The following THOP1 variants were observed in gnomAD, a reference collection of about 807,000 sequenced individuals.
THOP1 encodes the protein thimet oligopeptidase 1.
A neutral mutation model predicts 71.8 loss-of-function variants in THOP1; 49 were observed. That is an observed-to-expected ratio of 0.68 (90% CI 0.54 to 0.87). The LOEUF (loss-of-function observed/expected upper bound fraction) is 0.87. THOP1 is among the 40% of genes least tolerant of loss of function. THOP1 has a pLI of 0.00. For missense variants in THOP1, 843 were observed against 975.6 expected, an observed-to-expected ratio of 0.86 and a Z score of 1.81; for synonymous variants, 426 against 421.5, an observed-to-expected ratio of 1.01 and a Z score of -0.13.
chr19:2,809,971 A>T lies in THOP1; in HGVS notation c.1456-333A>T, dbSNP rs573638525. On this transcript the variant is annotated intron_variant, in intron 9 of 12. Transcript: ENST00000307741. ...ATGCAGCATGCCTCACAGCGTCCCC[A>T]CCCGGACCTGGCCGTCCCCAGGTCC... 2.0e-5 allele frequency: 8 copies of T among 392,178 alleles called. No individual in the cohort carries two copies. In the East Asian group the frequency reaches 3.7e-4, roughly 18 times the overall value. 24.3% of individuals were successfully genotyped at this position (392,178 alleles called of 1,614,324 possible). A position where few individuals can be genotyped will look rare whatever the true frequency, so the allele number is the denominator to read the frequency against.
chr19:2,808,742 C>T (rs1199626264), intron 9 of THOP1, among the ~76,000 whole-genome samples: 1 of 152,234 alleles, frequency 6.6e-6, no homozygotes, highest in East Asian at 1.9e-4. Flanking sequence ...CCCTCCTTGG[C>T]TTGTGGCCGC....
intron 5 of THOP1, among the ~76,000 whole-genome samples, chr19:2,802,539 A>C (rs1435260955): frequency 2.0e-4 from 15 of 76,852 alleles, no homozygotes; most frequent in East Asian, 8.6e-4. Flanking sequence ...CCCGACACCA[A>C]CACCTCCCGA....
chr19:2,804,926 AG>A lies in THOP1; in HGVS notation c.590-89del. The A allele has an allele frequency of 2.2e-6, 3 of 1,349,988 alleles. No individual in the cohort carries two copies. The highest frequency in any genetic ancestry group is 3.0e-6 in the Non-Finnish European group (3 of 1,006,906). The allele number at this position is 1,349,988 out of a possible 1,614,324, so 83.6% of individuals were successfully genotyped here. Reference sequence around the variant, plus strand: ...AGGGCCCCCTTGTAGCTTTCCAGGCAGAGGGGAAGCCCACCCCTTCCCTCAC... The same window carrying A: ...AGGGCCCCCTTGTAGCTTTCCAGGCAAGGGGAAGCCCACCCCTTCCCTCAC... On this transcript the variant is annotated intron_variant, in intron 5 of 12. Transcript: ENST00000307741. This position sits in a 1 kb window ranked among gnomAD's most constrained non-coding sequence, Gnocchi z 4.7.
rs773739395 is a variant in THOP1, at chr19:2,807,487, C to T, written c.932C>T (p.Ala311Val). 6.8e-6 allele frequency: 11 copies of T among 1,609,192 alleles called. No individual in the cohort carries two copies. The highest frequency in any genetic ancestry group is 2.2e-5 in the East Asian group (1 of 44,812). ...AAGCCCCTGGGGGAGCAGGAGCGTGCGGTGATTCTGGAGCTGAAGCGTGCG... is the reference window on the plus strand; with the variant it reads ...AAGCCCCTGGGGGAGCAGGAGCGTGTGGTGATTCTGGAGCTGAAGCGTGCG... ...KLKPLGEQER[A>V]VILELKRAEC... Residue 311 changes from alanine to valine, a missense_variant, in exon 8 of 13, where the codon GCG becomes GTG. Physicochemically the swap from Ala to Val is moderately conservative, Grantham distance 64 (BLOSUM62 0). Transcript: ENST00000307741.
Position 2,796,091 on chromosome 19 carries a change from A to G in THOP1, c.389A>G (p.Gln130Arg), listed in dbSNP as rs774040351. The G allele has an allele frequency of 2.5e-6, 4 of 1,613,692 alleles. No homozygotes were observed. Among genetic ancestry groups the G allele is most frequent in the Non-Finnish European group, 3.4e-6 (4 of 1,179,816 alleles). Reference protein sequence around the residue: ...QRIVWLQEKVQKDSLRPEAAR... With the variant: ...QRIVWLQEKVRKDSLRPEAAR... ...ATGTTTTTATTCCAGGAGAAAGTTCAGAAGGACTCACTGAGGCCCGAGGCT... is the reference window on the plus strand; with the variant it reads ...ATGTTTTTATTCCAGGAGAAAGTTCGGAAGGACTCACTGAGGCCCGAGGCT... The change falls in exon 4 of 13, where the codon CAG becomes CGG. Residue 130 changes from glutamine to arginine, a missense_variant. Gln to Arg is a conservative substitution (Grantham distance 43). Coordinates refer to ENST00000307741, the MANE Select transcript of THOP1 (RefSeq NM_003249.5).
chr19:2,788,020 T>C (rs1915791146), intron 1 of THOP1, among the ~76,000 whole-genome samples: 1 of 152,154 alleles, frequency 6.6e-6, no homozygotes, highest in African/African-American at 2.4e-5. Context: ...TGTTCTACAA[T>C]GGGGGGAAAT....
chr19:2,786,314 C>T (rs137885666), intron 1 of THOP1, among the ~76,000 whole-genome samples: 5 of 152,282 alleles, frequency 3.3e-5, no homozygotes, highest in African/African-American at 1.2e-4. Flanking sequence ...GGTGCGATCA[C>T]GACTCCCTGC....
intron 2 of THOP1, among the ~76,000 whole-genome samples, chr19:2,794,254 A>G (rs1469105372): frequency 6.6e-6 from 1 of 152,040 alleles, no homozygotes; most frequent in Non-Finnish European, 1.5e-5. Flanking sequence ...ACCTCAAGTG[A>G]TCTGCCTGCC....
rs1233358427 is a variant in THOP1 at position 2,804,155 on chromosome 19, A to G, written c.590-861A>G. ...AACCAGTCTTTGCATTGAAGCTGCAAGCCTGAGGCACGGTGGCCCTGGCGT... is the reference window on the plus strand; with the variant it reads ...AACCAGTCTTTGCATTGAAGCTGCAGGCCTGAGGCACGGTGGCCCTGGCGT... On this transcript the variant is annotated intron_variant, in intron 5 of 12. Transcript: ENST00000307741. The surrounding 1 kb of genome is among the most constrained non-coding windows in gnomAD (Gnocchi z 4.7). Among the ~76,000 whole-genome samples, 3 of 152,120 alleles carry G rather than the reference A, an allele frequency of 2.0e-5. No homozygotes were observed. The highest frequency in any genetic ancestry group is 4.4e-5 in the Non-Finnish European group (3 of 68,014).
rs531925340 is a variant in THOP1 at position 2,813,261 on chromosome 19, G to T, written c.2055G>T (p.Glu685Asp). Residue 685 changes from glutamate (E) to aspartate (D), a missense_variant, in exon 13 of 13, where the codon GAG becomes GAT. Coordinates refer to ENST00000307741, the MANE Select transcript of THOP1 (RefSeq NM_003249.5). ...TGCAGGTCGGGGGCTGCGAGCCCGA[G>T]CCGCAGGTCTGCTGAGGCCTGGCAC... ...KGLQVGGCEP[E>D]PQVC 75 of 1,610,296 alleles carry T rather than the reference G, an allele frequency of 4.7e-5. No homozygotes were observed. In the East Asian group the frequency reaches 1.7e-3, roughly 35 times the overall value.
intron 1 of THOP1, among the ~76,000 whole-genome samples, chr19:2,786,491 G>C (rs1915745989): frequency 6.6e-6 from 1 of 152,076 alleles, no homozygotes; most frequent in South Asian, 2.1e-4. Context: ...ACCTGCCTCG[G>C]CCTCCCAAAG....
intron 4 of THOP1, among the ~76,000 whole-genome samples, chr19:2,797,591 T>C (rs1338393131): frequency 1.3e-5 from 2 of 152,268 alleles, no homozygotes; most frequent in Admixed American, 6.5e-5. Flanking sequence ...CCTTCGGCGA[T>C]CTCACCAGAA....
In THOP1 at chr19:2,807,743, C is replaced by T. The variant is rs766348860; in HGVS notation, c.1188C>T (p.Leu396=). The T allele has an allele frequency of 6.3e-7, 1 of 1,577,234 alleles. No homozygotes were observed. Among genetic ancestry groups the T allele is most frequent in the Non-Finnish European group, 8.6e-7 (1 of 1,157,908 alleles). ...GTGCCTGGCATGAGGACGTGCGGCTCTACACCGCGAGGGACGCGGCCTCGG... is the reference window on the plus strand; with the variant it reads ...GTGCCTGGCATGAGGACGTGCGGCTTTACACCGCGAGGGACGCGGCCTCGG... The part of the protein sequence containing the change: ...GASAWHEDVR[L]YTARDAASGE... Residue 396 remains leucine, a synonymous_variant, in exon 8 of 13, where the codon CTC becomes CTT. Transcript: ENST00000307741.
intron 9 of THOP1, among the ~76,000 whole-genome samples, chr19:2,809,359 T>G (rs1182883279): frequency 3.3e-5 from 5 of 152,144 alleles, no homozygotes; most frequent in Non-Finnish European, 7.4e-5. Context: ...GCACAACGCT[T>G]GGGGCCTTTT....
Position 2,807,036 on chromosome 19 carries a change from C to T in THOP1, c.870C>T (p.Thr290=), listed in dbSNP as rs201840395. The T allele has an allele frequency of 1.0e-4, 168 of 1,610,442 alleles. No homozygotes were observed. The East Asian group carries it at 2.7e-3, about 25-fold the overall frequency. ...TGAACATGGCCAAGACCAGCCAGACCGTGGCCACCTTCCTAGGTAGCCCTT... is the reference window on the plus strand; with the variant it reads ...TGAACATGGCCAAGACCAGCCAGACTGTGGCCACCTTCCTAGGTAGCCCTT... ...LEMNMAKTSQ[T]VATFLDELAQ... Residue 290 remains threonine, a synonymous_variant, in exon 7 of 13, where the codon ACC becomes ACT. Transcript: ENST00000307741.
rs1916278025 is a variant in THOP1, at chr19:2,805,900, TGCGGGGGGACGGGCGG to T, written c.750+726_750+741del. ...GGGGGGACGGGCGGGTGCCCATCAC[TGCGGGGGGACGGGCGG>T]GTGCCCATCACTGCGGGGGGACGGG... is the stretch of plus-strand genomic sequence containing the variant. On this transcript the variant is annotated intron_variant, in intron 6 of 12. Transcript: ENST00000307741. This position sits in a 1 kb window ranked among gnomAD's most constrained non-coding sequence, Gnocchi z 6.6. 1.5e-5 allele frequency: 1 copy of T among 67,974 alleles called. No individual in the cohort carries two copies. The highest frequency in any genetic ancestry group is 6.1e-5 in the African/African-American group (1 of 16,344). The allele number at this position is 67,974 out of a possible 1,614,324, so 4.2% of individuals were successfully genotyped here.
chr19:2,797,536 C>T (rs1383564537), intron 4 of THOP1, among the ~76,000 whole-genome samples: 7 of 152,240 alleles, frequency 4.6e-5, no homozygotes, highest in Non-Finnish European at 1.0e-4. Context: ...AACTGAAAAC[C>T]GAAGTTACAT....
intron 5 of THOP1, among the ~76,000 whole-genome samples, chr19:2,802,394 A>C (rs1321913180): frequency 2.8e-5 from 1 of 35,376 alleles, no homozygotes; most frequent in Admixed American, 3.3e-4. Flanking sequence ...TCCCAACACT[A>C]ACACCTCCTG....
rs373125032 is a variant in THOP1, at chr19:2,807,438, G to A, written c.887-4G>A. ...AGAGGCCCACCTTTCTGCCCTCCCC[G>A]CAGATGAGCTGGCGCAGAAGCTGAA... On this transcript the variant is annotated splice_region_variant and splice_polypyrimidine_tract_variant and intron_variant, in intron 7 of 12. Coordinates refer to ENST00000307741, the MANE Select transcript of THOP1 (RefSeq NM_003249.5). 132 of 1,582,924 alleles carry A rather than the reference G, an allele frequency of 8.3e-5. No individual in the cohort carries two copies. The African/African-American group carries it at 1.2e-3, about 14-fold the overall frequency.
Sources: allele counts gnomAD v4.1 joint callset (sites outside exome capture counted in the v4.1 genomes callset), GRCh38; gene constraint gnomAD v4.1.1; non-coding constraint Gnocchi (gnomAD v3.1); transcripts MANE v1.5; gene names NCBI Gene and HGNC (gene_info 2026-07-23, HGNC 2026-07-21).